TANC1: variants seen among roughly 807,000 people sequenced by gnomAD.
The protein encoded by TANC1 is protein TANC1.
In TANC1, 77 loss-of-function variants were observed where a neutral mutation model predicts 149.7. The ratio of observed to expected loss-of-function variants is 0.51; its 90% CI spans 0.43 to 0.62. The LOEUF (loss-of-function observed/expected upper bound fraction) is 0.62, where lower values mean the gene tolerates loss of function less well. Among genes scored for constraint, TANC1 ranks in the 20% least tolerant of loss-of-function variants. The probability of loss-of-function intolerance (pLI) is 0.00; values close to 1 mark genes in which losing one functional copy is unlikely to be tolerated. For missense variants in TANC1, 1,985 were observed against 2,321.8 expected (o/e 0.85, Z 2.98); for synonymous variants, 854 against 925.0 (o/e 0.92, Z 1.39).
intron 3 of TANC1, among the ~76,000 whole-genome samples, chr2:159,081,789 C>G (rs927311574): frequency 6.6e-6 from 1 of 152,208 alleles, no homozygotes; most frequent in Non-Finnish European, 1.5e-5. Flanking sequence ...CTTTATCTGC[C>G]TTCACGGTAC....
At chr2:159,025,740 G>A (rs968332030) in intron 2 of TANC1, among the ~76,000 whole-genome samples, 47 of 152,066 alleles carry the variant, frequency 3.1e-4, no homozygotes, top group African/African-American at 1.1e-3. Context: ...CAATTTATCT[G>A]GTCTTATTTC....
intron 21 of TANC1, 136 bp from the exon 22 acceptor site, chr2:159,219,556 A>G (rs1320417660): frequency 1.5e-6 from 2 of 1,294,792 alleles, no homozygotes; most frequent in African/African-American, 2.9e-5. Context: ...CTGCCAGCCC[A>G]TCCGGCCAGT....
chr2:159,122,184 C>T (rs1378611223), intron 4 of TANC1, among the ~76,000 whole-genome samples: 12 of 152,172 alleles, frequency 7.9e-5, no homozygotes, highest in East Asian at 1.9e-4. Context: ...GCCATCTGCC[C>T]GCCTTGGTCT....
intron 7 of TANC1, 46 bp from the exon 8 acceptor site, chr2:159,163,237 C>T (rs2054230492): frequency 1.9e-6 from 3 of 1,584,246 alleles, no homozygotes; most frequent in Non-Finnish European, 2.6e-6. Flanking sequence ...TCTTCAGCCC[C>T]AGCTGTGCCT....
intron 14 of TANC1, among the ~76,000 whole-genome samples, 195 bp downstream of exon 14, chr2:159,179,358 C>T (rs563502694): frequency 1.3e-5 from 2 of 152,114 alleles, no homozygotes; most frequent in South Asian, 2.1e-4. Flanking sequence ...ACAGAAGCTG[C>T]CTTCTAATTG....
intron 19 of TANC1, among the ~76,000 whole-genome samples, chr2:159,207,529 G>A (rs1312594406): frequency 2.0e-5 from 3 of 151,542 alleles, no homozygotes; most frequent in Admixed American, 6.6e-5. Flanking sequence ...GTGAAACCCC[G>A]TCTCTACTAA....
At chr2:159,128,583 G>C (rs566485009) in intron 4 of TANC1, among the ~76,000 whole-genome samples, 2 of 152,174 alleles carry the variant, frequency 1.3e-5, no homozygotes, top group Non-Finnish European at 2.9e-5. Flanking sequence ...TACCCTGTAA[G>C]ATGGTGTCTT....
intron 3 of TANC1, among the ~76,000 whole-genome samples, chr2:159,087,952 A>G (rs1461539836): frequency 6.6e-6 from 1 of 150,706 alleles, no homozygotes; most frequent in Non-Finnish European, 1.5e-5. Context: ...TGAGGCATGA[A>G]TCTATAATCC....
chr2:159,013,228 A>G (rs756673787), intron 2 of TANC1, among the ~76,000 whole-genome samples: 8 of 152,222 alleles, frequency 5.3e-5, no homozygotes, highest in Non-Finnish European at 1.2e-4. Context: ...ACAGGCTGAC[A>G]TATTGAAGGC....
At chr2:159,140,552 G>T (rs1018148404) in intron 5 of TANC1, among the ~76,000 whole-genome samples, 4 of 152,158 alleles carry the variant, frequency 2.6e-5, no homozygotes, top group Non-Finnish European at 4.4e-5. Flanking sequence ...TCAAGCATGG[G>T]TCCTGTCTTT....
At position 159,112,833 on chromosome 2, in the gene TANC1, G is replaced by A. The variant is rs534565909; in HGVS notation, c.259+14999G>A. 8.6e-5 allele frequency among the ~76,000 whole-genome samples: 13 copies of A among 151,972 alleles called. No individual in the cohort carries two copies. In the East Asian group the frequency reaches 2.5e-3, roughly 29 times the overall value. ...TAGCCTCAAGCTATCCCCCAGCCTT[G>A]GCCTCCCAAAGGGCTGGGATTACAG... On this transcript the variant is annotated intron_variant, in intron 4 of 26. Transcript: ENST00000263635.
intron 22 of TANC1, among the ~76,000 whole-genome samples, chr2:159,220,116 C>A (rs1268742090): frequency 2.6e-5 from 4 of 151,772 alleles, no homozygotes; most frequent in African/African-American, 9.7e-5. Flanking sequence ...TTAAAAATAC[C>A]TGCTTGCAAA....
chr2:159,025,244 C>G (rs201456605), intron 2 of TANC1, among the ~76,000 whole-genome samples: 1 of 20,082 alleles, frequency 5.0e-5, no homozygotes, highest in African/African-American at 1.4e-4. Flanking sequence ...TTTCTTTTCT[C>G]CTTCCTTCTC....
chr2:159,141,057 T>TTA (rs1191659942), intron 5 of TANC1, among the ~76,000 whole-genome samples: 1 of 152,200 alleles, frequency 6.6e-6, no homozygotes, highest in Non-Finnish European at 1.5e-5. Context: ...ACCTGTTGTC[T>TTA]TAGTTCAGGC....
At chr2:159,083,690 C>T (rs983863770) in intron 3 of TANC1, among the ~76,000 whole-genome samples, 1 of 152,136 alleles carries the variant, frequency 6.6e-6, no homozygotes, top group Non-Finnish European at 1.5e-5. Flanking sequence ...TTAGAGGGCT[C>T]TTTTCCCAGA....
At chr2:159,170,296 G>A (rs984301731) in intron 9 of TANC1, among the ~76,000 whole-genome samples, 9 of 152,116 alleles carry the variant, frequency 5.9e-5, no homozygotes, top group Middle Eastern at 3.2e-3. Flanking sequence ...AGACTAGAGA[G>A]TAATTTCAAT....
chr2:159,073,416 C>T (rs2043339627), intron 3 of TANC1, among the ~76,000 whole-genome samples: 1 of 152,224 alleles, frequency 6.6e-6, no homozygotes, highest in African/African-American at 2.4e-5. Context: ...AGTCAGTCAC[C>T]CTGGACTAAT....
intron 12 of TANC1, among the ~76,000 whole-genome samples, chr2:159,175,684 C>G (rs1335601676): frequency 6.6e-6 from 1 of 152,218 alleles, no homozygotes; most frequent in East Asian, 1.9e-4. Context: ...CTTCAGTTTC[C>G]CATCCTCTCT....
intron 1 of TANC1, among the ~76,000 whole-genome samples, chr2:158,997,171 T>G (rs1180356324): frequency 6.6e-6 from 1 of 152,094 alleles, no homozygotes; most frequent in Non-Finnish European, 1.5e-5. Context: ...TGTACTCTAG[T>G]GGGTAAAGTT....
Sources: allele counts gnomAD v4.1 joint callset (sites outside exome capture counted in the v4.1 genomes callset), GRCh38; gene constraint gnomAD v4.1.1; transcripts MANE v1.5; gene names NCBI Gene and HGNC (gene_info 2026-07-23, HGNC 2026-07-21).